KIAA0825: variants seen among roughly 807,000 people sequenced by gnomAD.
KIAA0825 encodes KIAA0825.
Under a neutral mutation model 147.6 loss-of-function variants are expected in KIAA0825, and 119 were observed. That is an observed-to-expected ratio of 0.81 (90% CI 0.69 to 0.94). KIAA0825 has a LOEUF of 0.94. Among genes scored for constraint, KIAA0825 ranks in the 40% least tolerant of loss-of-function variants. KIAA0825 has a pLI of 0.00. For missense variants in KIAA0825, 1,381 were observed against 1,472.7 expected, an observed-to-expected ratio of 0.94 and a Z score of 1.02; for synonymous variants, 470 against 518.1, an observed-to-expected ratio of 0.91 and a Z score of 1.26.
At chr5:94,378,933 C>T (rs1487253775) in intron 20 of KIAA0825, among the ~76,000 whole-genome samples, 2 of 152,052 alleles carry the variant, frequency 1.3e-5, no homozygotes, top group Non-Finnish European at 2.9e-5. Flanking sequence ...TGTCATTTGC[C>T]TACTTTTTAA....
At chr5:94,594,445 T>C (rs1379078626) in intron 1 of KIAA0825, 8 of 737,322 alleles carry the variant, frequency 1.1e-5, no homozygotes, top group Non-Finnish European at 2.0e-5. Context: ...ACAGTAGATT[T>C]TGAGTGTATC....
intron 13 of KIAA0825, among the ~76,000 whole-genome samples, chr5:94,444,137 C>A (rs1254315511): frequency 6.6e-6 from 1 of 152,050 alleles, no homozygotes; most frequent in African/African-American, 2.4e-5. Context: ...TGTGATAATC[C>A]ACTTGGCAAA....
At chr5:94,456,316 G>A (rs1370968316) in intron 12 of KIAA0825, among the ~76,000 whole-genome samples, 2 of 152,130 alleles carry the variant, frequency 1.3e-5, no homozygotes, top group African/African-American at 4.8e-5. Context: ...TCATGTTCAA[G>A]TAGCTCCATA....
At chr5:94,584,766 A>C (rs565562600) in intron 1 of KIAA0825, among the ~76,000 whole-genome samples, 1 of 152,334 alleles carries the variant, frequency 6.6e-6, no homozygotes, top group Non-Finnish European at 1.5e-5. Flanking sequence ...AAATGAAGGA[A>C]AAAATGTTAA....
At chr5:94,298,419 G>A (rs1403594223) in intron 20 of KIAA0825, among the ~76,000 whole-genome samples, 1 of 152,096 alleles carries the variant, frequency 6.6e-6, no homozygotes, top group Non-Finnish European at 1.5e-5. Context: ...AAGACTTGTG[G>A]AAATGCTCAT....
intron 20 of KIAA0825, among the ~76,000 whole-genome samples, chr5:94,304,211 C>T (rs1222971933): frequency 6.6e-6 from 1 of 152,092 alleles, no homozygotes; most frequent in Non-Finnish European, 1.5e-5. Context: ...ATTGCTGGCT[C>T]TGCTTCTTAC....
At chr5:94,391,750 G>A (rs758037063) in intron 17 of KIAA0825, 56 bp from the exon 18 acceptor site, 36 of 1,347,518 alleles carry the variant, frequency 2.7e-5, no homozygotes, top group Non-Finnish European at 3.5e-5. Context: ...AAGATGGAGA[G>A]TAATCATGGA....
intron 2 of KIAA0825, among the ~76,000 whole-genome samples, chr5:94,556,402 ACT>A (rs1294517936): frequency 1.3e-5 from 2 of 151,874 alleles, no homozygotes; most frequent in Non-Finnish European, 1.5e-5. Context: ...TTTTAAAGAA[ACT>A]CTCTTTTAAT....
intron 20 of KIAA0825, among the ~76,000 whole-genome samples, chr5:94,222,255 C>T (rs532060195): frequency 6.6e-6 from 1 of 152,222 alleles, no homozygotes; most frequent in Non-Finnish European, 1.5e-5. Context: ...GATTCTTGGG[C>T]CTTTCTCTCC....
At chr5:94,390,573 T>A (rs929569427) in intron 18 of KIAA0825, among the ~76,000 whole-genome samples, 1 of 152,204 alleles carries the variant, frequency 6.6e-6, no homozygotes, top group Non-Finnish European at 1.5e-5. Context: ...ATTTCTTACA[T>A]CCTTCTCAGG....
At chr5:94,503,252 GATAA>G (rs1325210060) in intron 5 of KIAA0825, among the ~76,000 whole-genome samples, 1 of 151,826 alleles carries the variant, frequency 6.6e-6, no homozygotes, top group African/African-American at 2.4e-5. Flanking sequence ...TCTCCTAACT[GATAA>G]ATAAATGAAT....
At chr5:94,563,483 T>C (rs554467509) in intron 2 of KIAA0825, among the ~76,000 whole-genome samples, 2 of 152,140 alleles carry the variant, frequency 1.3e-5, no homozygotes, top group South Asian at 4.2e-4. Context: ...TCAATATAGA[T>C]CAATATGCCC....
At chr5:94,206,717 T>A (rs1772234499) in intron 20 of KIAA0825, among the ~76,000 whole-genome samples, 1 of 152,152 alleles carries the variant, frequency 6.6e-6, no homozygotes, top group Admixed American at 6.5e-5. Flanking sequence ...ACTCACACTA[T>A]GGTTTCTTTT....
chr5:94,563,829 C>T (rs545377836), intron 2 of KIAA0825, among the ~76,000 whole-genome samples: 6 of 152,168 alleles, frequency 3.9e-5, no homozygotes, highest in South Asian at 2.1e-4. Flanking sequence ...GGATTATAGG[C>T]GCCTGCCACC....
intron 2 of KIAA0825, 121 bp from the exon 3 acceptor site, chr5:94,537,248 G>A (rs766985249): frequency 3.2e-6 from 2 of 632,524 alleles, no homozygotes; most frequent in South Asian, 4.6e-5. Context: ...CCTATTTACA[G>A]GCACAATGAA....
At chr5:94,192,220 C>T (rs944222817) in intron 20 of KIAA0825, among the ~76,000 whole-genome samples, 1 of 152,182 alleles carries the variant, frequency 6.6e-6, no homozygotes, top group Non-Finnish European at 1.5e-5. Flanking sequence ...CTAATTAACC[C>T]TATGAAGTTA....
At chr5:94,182,886 T>A (rs532710043) in intron 20 of KIAA0825, among the ~76,000 whole-genome samples, 3 of 152,172 alleles carry the variant, frequency 2.0e-5, no homozygotes, top group South Asian at 2.1e-4. Context: ...ACTAAATGAA[T>A]AGATAGGCAG....
At chr5:94,577,480 G>GCTTTTGCCCA (rs1781285633) in intron 2 of KIAA0825, among the ~76,000 whole-genome samples, 2 of 152,084 alleles carry the variant, frequency 1.3e-5, no homozygotes, top group Admixed American at 6.5e-5. Context: ...AAAATACCAG[G>GCTTTTGCCCA]GACACTTGCT....
intron 20 of KIAA0825, among the ~76,000 whole-genome samples, chr5:94,324,378 A>G (rs1245351070): frequency 6.6e-6 from 1 of 152,070 alleles, no homozygotes; most frequent in Non-Finnish European, 1.5e-5. Flanking sequence ...CAAGGTAACA[A>G]TATTATAGTT....
Sources: allele counts gnomAD v4.1 joint callset (sites outside exome capture counted in the v4.1 genomes callset), GRCh38; gene constraint gnomAD v4.1.1; transcripts MANE v1.5; gene names NCBI Gene and HGNC (gene_info 2026-07-23, HGNC 2026-07-21).